The following CADPS2 variants were observed in gnomAD, a reference collection of about 807,000 sequenced individuals.
CADPS2 encodes calcium-dependent secretion activator 2.
In CADPS2, 93 loss-of-function variants were observed where a neutral mutation model predicts 172.5. The observed-to-expected ratio is 0.54, with a 90% CI of 0.46 to 0.64. The LOEUF (loss-of-function observed/expected upper bound fraction) is 0.64, where lower values mean the gene tolerates loss of function less well. Ranked by LOEUF, CADPS2 falls within the 30% of genes least tolerant of loss-of-function variation. The pLI, the probability that CADPS2 is intolerant of heterozygous loss-of-function variation, is 0.00. For synonymous variants in CADPS2, 546 were observed against 555.2 expected, an observed-to-expected ratio of 0.98 and a Z score of 0.23; for missense variants, 1,420 against 1,565.9, an observed-to-expected ratio of 0.91 and a Z score of 1.57.
At chr7:122,538,541 G>C (rs2062578494) in intron 8 of CADPS2, among the ~76,000 whole-genome samples, 1 of 151,748 alleles carries the variant, frequency 6.6e-6, no homozygotes, top group Non-Finnish European at 1.5e-5. Flanking sequence ...ATGTAAGGAT[G>C]TTTTAACACA....
chr7:122,774,779 T>C (rs1255439475), intron 1 of CADPS2, among the ~76,000 whole-genome samples: 1 of 152,208 alleles, frequency 6.6e-6, no homozygotes, highest in African/African-American at 2.4e-5. Context: ...TGAGAATTTA[T>C]TAACTTTCCT....
In CADPS2 at chr7:122,480,165, A is replaced by G. The variant is rs771022597; in HGVS notation, c.1861+687T>C. On this transcript the variant is annotated intron_variant, in intron 12 of 29. Transcript: ENST00000449022. ...CCCCTTCAGCTCACTCTCTTCCCTT[A>G]GAATTTTTATATATCCAGAGAGTCA... 1.3e-5 allele frequency: 6 copies of G among 468,404 alleles called. No homozygotes were observed. The East Asian group carries it at 4.2e-4, about 33-fold the overall frequency. 29.0% of individuals were successfully genotyped at this position (468,404 alleles called of 1,614,324 possible).
intron 2 of CADPS2, chr7:122,702,460 C>T: frequency 6.2e-7 from 1 of 1,613,792 alleles, no homozygotes; most frequent in Non-Finnish European, 8.5e-7. Flanking sequence ...ATGAGTCTGC[C>T]TGTTTGGGCC....
At chr7:122,453,781 T>A (rs887023101) in intron 14 of CADPS2, among the ~76,000 whole-genome samples, 1 of 152,206 alleles carries the variant, frequency 6.6e-6, no homozygotes, top group African/African-American at 2.4e-5. Flanking sequence ...AGGCCCACTG[T>A]CTGCTTGACA....
intron 8 of CADPS2, among the ~76,000 whole-genome samples, chr7:122,536,451 T>G (rs998795809): frequency 6.6e-6 from 1 of 152,054 alleles, no homozygotes; most frequent in African/African-American, 2.4e-5. Context: ...ATTGGGCCCA[T>G]AAAAGATCAA....
chr7:122,593,931 G>A (rs1349147580), intron 6 of CADPS2, among the ~76,000 whole-genome samples: 5 of 151,966 alleles, frequency 3.3e-5, no homozygotes, highest in African/African-American at 9.7e-5. Flanking sequence ...TAATCTTAAT[G>A]TATTTTTGTA....
At chr7:122,533,325 T>G (rs1408326615) in intron 8 of CADPS2, among the ~76,000 whole-genome samples, 2 of 152,138 alleles carry the variant, frequency 1.3e-5, no homozygotes, top group Non-Finnish European at 2.9e-5. Flanking sequence ...AATTAATAAT[T>G]GTCTTACCTG....
intron 1 of CADPS2, among the ~76,000 whole-genome samples, chr7:122,783,549 A>C (rs1046945819): frequency 4.6e-5 from 7 of 152,142 alleles, no homozygotes; most frequent in African/African-American, 4.8e-5. Flanking sequence ...GTACACTGAC[A>C]CACAGATATT....
chr7:122,592,395 G>A (rs1388160463), intron 6 of CADPS2, among the ~76,000 whole-genome samples: 1 of 152,182 alleles, frequency 6.6e-6, no homozygotes, highest in African/African-American at 2.4e-5. Flanking sequence ...TGGTGGGACT[G>A]TAAACTAGTT....
chr7:122,563,448 G>T (rs980988130), intron 7 of CADPS2, among the ~76,000 whole-genome samples: 3 of 151,996 alleles, frequency 2.0e-5, no homozygotes, highest in African/African-American at 7.3e-5. Flanking sequence ...TCAAAGGTAG[G>T]CACTATTTTG....
chr7:122,591,506 C>A (rs1210123219), intron 6 of CADPS2, among the ~76,000 whole-genome samples: 2 of 151,934 alleles, frequency 1.3e-5, no homozygotes, highest in Non-Finnish European at 2.9e-5. Flanking sequence ...CATATTGAAC[C>A]AAAAAAGAGC....
intron 8 of CADPS2, among the ~76,000 whole-genome samples, chr7:122,535,565 T>G (rs1449668023): frequency 1.3e-5 from 2 of 152,082 alleles, no homozygotes. Flanking sequence ...CTTTCCAGTA[T>G]GTTCACAAGA....
At chr7:122,480,037 T>G (rs1400435218) in intron 12 of CADPS2, 1 of 464,906 alleles carries the variant, frequency 2.2e-6, no homozygotes, top group African/African-American at 2.0e-5. Context: ...TGCATTTTGG[T>G]TGGAGAGAAC....
chr7:122,555,804 T>C (rs2064966096), intron 7 of CADPS2, among the ~76,000 whole-genome samples: 1 of 152,096 alleles, frequency 6.6e-6, no homozygotes, highest in African/African-American at 2.4e-5. Flanking sequence ...TATTCTTAGA[T>C]TCTAATACTA....
intron 20 of CADPS2, among the ~76,000 whole-genome samples, chr7:122,401,957 A>C (rs1342564192): frequency 1.3e-5 from 2 of 152,172 alleles, no homozygotes; most frequent in East Asian, 3.9e-4. Context: ...TTTCATCTCC[A>C]AGGGTTCTCC....
chr7:122,422,692 T>C (rs1380741315), intron 17 of CADPS2, among the ~76,000 whole-genome samples: 1 of 151,870 alleles, frequency 6.6e-6, no homozygotes, highest in African/African-American at 2.4e-5. Context: ...CGGTGGCTCA[T>C]GCCTGTAATC....
chr7:122,815,899 C>T (rs1188953800), intron 1 of CADPS2, among the ~76,000 whole-genome samples: 2 of 151,994 alleles, frequency 1.3e-5, no homozygotes, highest in Non-Finnish European at 2.9e-5. Flanking sequence ...TTATTGATAC[C>T]TAATAGTTGT....
At chr7:122,361,279 G>C (rs1324521304) in intron 25 of CADPS2, among the ~76,000 whole-genome samples, 1 of 145,794 alleles carries the variant, frequency 6.9e-6, no homozygotes, top group South Asian at 2.2e-4. Flanking sequence ...TGTCACCCAG[G>C]CTGGAGTGCA....
At chr7:122,413,625 T>G (rs894795545) in intron 19 of CADPS2, among the ~76,000 whole-genome samples, 1 of 152,172 alleles carries the variant, frequency 6.6e-6, no homozygotes, top group Non-Finnish European at 1.5e-5. Context: ...AGGTGCTCTT[T>G]CATGGAGCAA....
Sources: allele counts gnomAD v4.1 joint callset (sites outside exome capture counted in the v4.1 genomes callset), GRCh38; gene constraint gnomAD v4.1.1; transcripts MANE v1.5; gene names NCBI Gene and HGNC (gene_info 2026-07-23, HGNC 2026-07-21).